CAMKMT: variants seen among roughly 807,000 people sequenced by gnomAD.
CAMKMT encodes the protein calmodulin-lysine N-methyltransferase.
CAMKMT carries 53 observed loss-of-function variants against 48.0 expected under a neutral mutation model. That is an observed-to-expected ratio of 1.10 (90% CI 0.89 to 1.39). CAMKMT has a LOEUF of 1.39. Ranked by LOEUF, CAMKMT falls within the 40% of genes most tolerant of loss-of-function variation. The probability of loss-of-function intolerance (pLI) is 0.00; values close to 1 mark genes in which losing one functional copy is unlikely to be tolerated. For synonymous variants in CAMKMT, 165 were observed against 152.3 expected, an observed-to-expected ratio of 1.08 and a Z score of -0.61; for missense variants, 428 against 402.7, an observed-to-expected ratio of 1.06 and a Z score of -0.54.
chr2:44,757,007 G>T (rs1421121041), intron 9 of CAMKMT, among the ~76,000 whole-genome samples: 1 of 152,168 alleles, frequency 6.6e-6, no homozygotes, highest in East Asian at 1.9e-4. Context: ...GTCTCTCTGA[G>T]CCTGCATTTC....
chr2:44,466,675 TAAATA>T (rs1668131280), intron 3 of CAMKMT, among the ~76,000 whole-genome samples: 1 of 151,440 alleles, frequency 6.6e-6, no homozygotes, highest in African/African-American at 2.4e-5. Flanking sequence ...TGAACAGAAA[TAAATA>T]AAAAGAGAAT....
At chr2:44,506,935 C>T (rs991288960) in intron 3 of CAMKMT, among the ~76,000 whole-genome samples, 16 of 152,080 alleles carry the variant, frequency 1.1e-4, no homozygotes, top group Non-Finnish European at 2.2e-4. Context: ...GACTATGTGA[C>T]GGAATGGCAA....
chr2:44,573,627 G>A (rs1322203445), intron 3 of CAMKMT, among the ~76,000 whole-genome samples: 1 of 151,772 alleles, frequency 6.6e-6, no homozygotes, highest in Non-Finnish European at 1.5e-5. Flanking sequence ...GTTTTGTTAG[G>A]GAGGCCATCT....
chr2:44,759,472 C>T (rs1680521288), intron 9 of CAMKMT, among the ~76,000 whole-genome samples: 1 of 152,122 alleles, frequency 6.6e-6, no homozygotes, highest in Admixed American at 6.5e-5. Context: ...AAAAGTCTAA[C>T]ATCTCTGCCC....
chr2:44,507,392 AGT>A (rs1037998661), intron 3 of CAMKMT, among the ~76,000 whole-genome samples: 1 of 152,196 alleles, frequency 6.6e-6, no homozygotes, highest in Non-Finnish European at 1.5e-5. Context: ...CCTTATGGAT[AGT>A]GTGCATCATG....
intron 3 of CAMKMT, among the ~76,000 whole-genome samples, chr2:44,658,646 C>G (rs1438512316): frequency 1.3e-5 from 2 of 152,152 alleles, no homozygotes; most frequent in Non-Finnish European, 2.9e-5. Flanking sequence ...CTGGCCGACT[C>G]CATTTCCTCA....
intron 3 of CAMKMT, among the ~76,000 whole-genome samples, chr2:44,608,534 G>A (rs1383193441): frequency 2.0e-5 from 3 of 152,070 alleles, no homozygotes. Flanking sequence ...GTTTTCTTGT[G>A]TTGGGAACAT....
chr2:44,408,917 T>C (rs1333020825), intron 3 of CAMKMT, among the ~76,000 whole-genome samples: 1 of 151,582 alleles, frequency 6.6e-6, no homozygotes, highest in African/African-American at 2.4e-5. Context: ...AATATTTGTA[T>C]TTTTTATAGA....
At chr2:44,627,697 C>CTTTTTTTTTTTTTTTTTTTTTT (rs1174344846) in intron 3 of CAMKMT, among the ~76,000 whole-genome samples, 2 of 75,100 alleles carry the variant, frequency 2.7e-5, no homozygotes, top group Non-Finnish European at 4.8e-5. Flanking sequence ...CCATTTTATC[C>CTTTTTTTTTTTTTTTTTTTTTT]TTTTTTTTTT....
chr2:44,537,473 G>A (rs1666838982), intron 3 of CAMKMT, among the ~76,000 whole-genome samples: 3 of 152,134 alleles, frequency 2.0e-5, no homozygotes, highest in Admixed American at 2.0e-4. Flanking sequence ...ATGAGATATT[G>A]TTGTATCTTA....
At chr2:44,642,464 G>A (rs144761083) in intron 3 of CAMKMT, among the ~76,000 whole-genome samples, 9 of 152,308 alleles carry the variant, frequency 5.9e-5, no homozygotes, top group Non-Finnish European at 1.2e-4. Context: ...GCGGCTGAAC[G>A]GGGCACAGGT....
intron 3 of CAMKMT, among the ~76,000 whole-genome samples, chr2:44,419,995 T>G (rs1243891398): frequency 6.6e-6 from 1 of 152,178 alleles, no homozygotes; most frequent in African/African-American, 2.4e-5. Context: ...ATTTAGAGCT[T>G]TTTGCCATCT....
chr2:44,475,604 C>T (rs1262156596), intron 3 of CAMKMT, among the ~76,000 whole-genome samples: 6 of 151,992 alleles, frequency 3.9e-5, no homozygotes, highest in East Asian at 3.9e-4. Context: ...CATGAGCCAC[C>T]GCGCCTGGCC....
At chr2:44,655,891 T>A (rs577988661) in intron 3 of CAMKMT, among the ~76,000 whole-genome samples, 1 of 152,334 alleles carries the variant, frequency 6.6e-6, no homozygotes, top group South Asian at 2.1e-4. Flanking sequence ...ATTTACCATG[T>A]AGCAAACATC....
At chr2:44,371,404 C>T (rs1042912683) in intron 1 of CAMKMT, among the ~76,000 whole-genome samples, 1 of 152,232 alleles carries the variant, frequency 6.6e-6, no homozygotes, top group African/African-American at 2.4e-5. Flanking sequence ...CAGACATGAG[C>T]CACTGCACCT....
At chr2:44,580,707 A>G (rs1669507993) in intron 3 of CAMKMT, among the ~76,000 whole-genome samples, 1 of 152,188 alleles carries the variant, frequency 6.6e-6, no homozygotes. Context: ...TAAACCTATA[A>G]TAACAGTGCA....
At chr2:44,423,177 T>TTTATC (rs1393971917) in intron 3 of CAMKMT, among the ~76,000 whole-genome samples, 2 of 151,816 alleles carry the variant, frequency 1.3e-5, no homozygotes, top group African/African-American at 4.8e-5. Context: ...TCTATTTTAT[T>TTTATC]TTATTTTATT....
intron 3 of CAMKMT, among the ~76,000 whole-genome samples, chr2:44,636,217 T>G (rs924149664): frequency 1.3e-5 from 2 of 152,150 alleles, no homozygotes; most frequent in Non-Finnish European, 2.9e-5. Flanking sequence ...CTGGGCAGTT[T>G]TAGAGGTCCC....
chr2:44,629,417 A>G (rs888988752), intron 3 of CAMKMT, among the ~76,000 whole-genome samples: 1 of 142,292 alleles, frequency 7.0e-6, no homozygotes. Flanking sequence ...CTGTGTATGC[A>G]TTTCTTTCTT....
Sources: allele counts gnomAD v4.1 joint callset (sites outside exome capture counted in the v4.1 genomes callset), GRCh38; gene constraint gnomAD v4.1.1; transcripts MANE v1.5; gene names NCBI Gene and HGNC (gene_info 2026-07-23, HGNC 2026-07-21).